The following HFM1 variants were observed in gnomAD, a reference collection of about 807,000 sequenced individuals.
HFM1 encodes helicase for meiosis 1, also known as probable ATP-dependent DNA helicase HFM1.
A neutral mutation model predicts 192.1 loss-of-function variants in HFM1; 169 were observed. That is an observed-to-expected ratio of 0.88 (90% CI 0.78 to 1.00). The LOEUF is 1.00. Among genes scored for constraint, HFM1 ranks in the 50% least tolerant of loss-of-function variants. The pLI is 0.00. For synonymous variants in HFM1, 525 were observed against 537.8 expected (o/e 0.98, Z 0.33); for missense variants, 1,661 against 1,668.0 (o/e 1.00, Z 0.07).
chr1:91,367,115 C>T (rs1246720185), intron 13 of HFM1, among the ~76,000 whole-genome samples: 1 of 152,168 alleles, frequency 6.6e-6, no homozygotes, highest in Non-Finnish European at 1.5e-5. Context: ...CCAGGAAGCT[C>T]GAACTGGGTG....
intron 30 of HFM1, among the ~76,000 whole-genome samples, chr1:91,303,225 T>C (rs1649107544): frequency 1.3e-5 from 2 of 152,194 alleles, no homozygotes; most frequent in South Asian, 4.1e-4. Context: ...ACTTTATGTC[T>C]CTATAGATTT....
In HFM1 at chr1:91,399,873, C is replaced by T. The variant is rs563266218; in HGVS notation, c.71+1139G>A. 3.9e-5 allele frequency among the ~76,000 whole-genome samples: 6 copies of T among 152,238 alleles called. No individual in the cohort carries two copies. The East Asian group carries it at 5.8e-4, about 15-fold the overall frequency. On this transcript the variant is annotated intron_variant, in intron 2 of 38. Transcript: ENST00000370425. The stretch of plus-strand genomic sequence containing the variant: ...TTGACCATATTTTCAGAAAAACAAC[C>T]GTATATTACAAAATTTGCATTGGCC...
chr1:91,393,779 G>C (rs1438922688), intron 4 of HFM1, among the ~76,000 whole-genome samples: 1 of 152,056 alleles, frequency 6.6e-6, no homozygotes. Context: ...TCAAACCCAA[G>C]GCATTAGGAA....
At chr1:91,404,777 C>T (rs1481562543) in intron 1 of HFM1, 21 bp downstream of exon 1, 2 of 444,806 alleles carry the variant, frequency 4.5e-6, no homozygotes, top group South Asian at 3.2e-5. Flanking sequence ...TCCCCGCGGG[C>T]GTCCGGGCCC....
At chr1:91,377,856 T>C (rs1416224465) in intron 11 of HFM1, 169 bp downstream of exon 11, 15 of 621,710 alleles carry the variant, frequency 2.4e-5, no homozygotes, top group Non-Finnish European at 4.2e-5. Context: ...ATTAACCAAA[T>C]TTTATGGCCT....
intron 2 of HFM1, among the ~76,000 whole-genome samples, chr1:91,396,988 GA>G (rs1238963710): frequency 6.6e-6 from 1 of 152,150 alleles, no homozygotes; most frequent in Non-Finnish European, 1.5e-5. Flanking sequence ...GCCCTATCAT[GA>G]ACTGTACATG....
At chr1:91,402,490 G>A (rs1250773185) in intron 1 of HFM1, among the ~76,000 whole-genome samples, 1 of 152,074 alleles carries the variant, frequency 6.6e-6, no homozygotes, top group African/African-American at 2.4e-5. Context: ...AACTAGTGTG[G>A]TTCTATAAAT....
At chr1:91,404,854 A>C (rs1400033816), upstream of HFM1, 1 of 455,460 alleles carries the variant, frequency 2.2e-6, no homozygotes, top group South Asian at 1.6e-5. Context: ...CCCTCTGAGG[A>C]CCGCCAAGCC....
In HFM1 at chr1:91,387,092, G is replaced by A. The variant is rs113063566; in HGVS notation, c.495-1258C>T. Among the ~76,000 whole-genome samples the A allele has an allele frequency of 1.9e-3, 294 of 152,294 alleles. 1 individual carries two copies. The highest frequency in any genetic ancestry group is 5.2e-3 in the African/African-American group (217 of 41,558). On this transcript the variant is annotated intron_variant, in intron 4 of 38. Coordinates refer to ENST00000370425, the MANE Select transcript of HFM1 (RefSeq NM_001017975.6). ...AATATCCCTAAGGGATGAAGTAACC[G>A]TTAAGGTTCCTAATAAAACATTCAC...
intron 20 of HFM1, chr1:91,338,875 C>T: frequency 2.2e-6 from 1 of 455,340 alleles, no homozygotes; most frequent in South Asian, 1.6e-5. Context: ...AGTGCGTAAC[C>T]TTCTGCCACT....
intron 30 of HFM1, among the ~76,000 whole-genome samples, chr1:91,277,530 T>C (rs1422273553): frequency 7.7e-6 from 1 of 129,748 alleles, no homozygotes; most frequent in African/African-American, 2.8e-5. Context: ...TGTGTGTGTA[T>C]ACTTTATATA....
intron 18 of HFM1, among the ~76,000 whole-genome samples, chr1:91,348,799 C>CT (rs1656500100): frequency 6.6e-6 from 1 of 151,920 alleles, no homozygotes; most frequent in Admixed American, 6.6e-5. Flanking sequence ...TGGCATGTGC[C>CT]TGTAGTACCA....
At chr1:91,403,937 A>G (rs995180835) in intron 1 of HFM1, among the ~76,000 whole-genome samples, 1 of 152,178 alleles carries the variant, frequency 6.6e-6, no homozygotes, top group Non-Finnish European at 1.5e-5. Flanking sequence ...CAGGCCTATT[A>G]CTTCTTACAA....
At chr1:91,372,011 A>G (rs1198175665) in intron 13 of HFM1, among the ~76,000 whole-genome samples, 1 of 152,244 alleles carries the variant, frequency 6.6e-6, no homozygotes, top group Non-Finnish European at 1.5e-5. Flanking sequence ...TGGCCATCAG[A>G]GAAATGAAAA....
chr1:91,341,958 C>G (rs993111615), intron 20 of HFM1, among the ~76,000 whole-genome samples: 1 of 151,606 alleles, frequency 6.6e-6, no homozygotes, highest in Non-Finnish European at 1.5e-5. Flanking sequence ...AAAAGACTAT[C>G]AACAAGAAAA....
At chr1:91,386,453 C>A (rs1662225740) in intron 4 of HFM1, among the ~76,000 whole-genome samples, 1 of 152,074 alleles carries the variant, frequency 6.6e-6, no homozygotes, top group African/African-American at 2.4e-5. Context: ...TGTGAGAGGC[C>A]CCCAATACCT....
intron 4 of HFM1, among the ~76,000 whole-genome samples, chr1:91,386,074 T>TC (rs1258701276): frequency 1.3e-5 from 2 of 152,208 alleles, no homozygotes; most frequent in Non-Finnish European, 2.9e-5. Context: ...AGCCCAATGA[T>TC]CCTTGCCTGC....
At chr1:91,265,257 A>G (rs1264726823) in intron 36 of HFM1, among the ~76,000 whole-genome samples, 1 of 152,218 alleles carries the variant, frequency 6.6e-6, no homozygotes, top group Non-Finnish European at 1.5e-5. Context: ...TACAGATATT[A>G]TTATTATTTG....
chr1:91,333,128 A>G (rs886074742), intron 20 of HFM1, among the ~76,000 whole-genome samples: 1 of 152,128 alleles, frequency 6.6e-6, no homozygotes, highest in African/African-American at 2.4e-5. Flanking sequence ...GGAAATCAGT[A>G]TATCAAAGAG....
Sources: gnomAD v4.1 joint callset for allele counts (sites outside exome capture counted in the v4.1 genomes callset) on GRCh38, gnomAD v4.1.1 for gene constraint, MANE v1.5 for transcripts, NCBI Gene and HGNC (gene_info 2026-07-23, HGNC 2026-07-21) for gene names.